PRH1: variants seen among roughly 807,000 people sequenced by gnomAD.
PRH1 encodes the protein proline rich protein HaeIII subfamily 1.
In PRH1, 7 loss-of-function variants were observed where a neutral mutation model predicts 7.9. The ratio of observed to expected loss-of-function variants is 0.89; its 90% CI spans 0.50 to 1.67. The LOEUF (loss-of-function observed/expected upper bound fraction) is 1.67, where lower values mean the gene tolerates loss of function less well. Among genes scored for constraint, PRH1 ranks in the 40% most tolerant of loss-of-function variants. The pLI is 0.00. For synonymous variants in PRH1, 45 were observed against 80.8 expected (o/e 0.56, Z 2.38); for missense variants, 109 against 223.6 (o/e 0.49, Z 3.27).
chr12:11,111,699 G>A (rs1339036891), intron 1 of PRH1, among the ~76,000 whole-genome samples: 7 of 152,088 alleles, frequency 4.6e-5, no homozygotes, highest in Non-Finnish European at 1.0e-4. Context: ...AGGAGAAAGT[G>A]GGAAAGATCT....
At chr12:10,916,182 T>C (rs1565469210) in intron 2 of PRH1, among the ~76,000 whole-genome samples, 1 of 152,082 alleles carries the variant, frequency 6.6e-6, no homozygotes, top group African/African-American at 2.4e-5. Flanking sequence ...TCAGATCTCA[T>C]GAGAATTACT....
At chr12:10,915,855 G>A (rs981740772) in intron 2 of PRH1, among the ~76,000 whole-genome samples, 3 of 152,068 alleles carry the variant, frequency 2.0e-5, no homozygotes, top group Non-Finnish European at 4.4e-5. Context: ...GTAGAGCTCC[G>A]GAACCACCTC....
intron 2 of PRH1, chr12:10,938,067 G>A (rs1490803891): frequency 6.5e-5 from 31 of 479,664 alleles, no homozygotes; most frequent in Non-Finnish European, 9.9e-5. Context: ...TATAGTATTC[G>A]CATTCTTCTC....
At chr12:11,029,726 T>C (rs1391804777) in intron 1 of PRH1, among the ~76,000 whole-genome samples, 1 of 137,090 alleles carries the variant, frequency 7.3e-6, no homozygotes, top group East Asian at 2.1e-4. Flanking sequence ...TATTCACATA[T>C]GAAATCTAAT....
chr12:10,908,588 G>GA (rs1318108796), intron 2 of PRH1: 1 of 1,613,982 alleles, frequency 6.2e-7, no homozygotes, highest in South Asian at 1.1e-5. Flanking sequence ...AGAATAAAAG[G>GA]AATGAGATCA....
At chr12:10,891,506 A>G (rs989998978) in intron 2 of PRH1, 4 of 152,198 alleles carry the variant, frequency 2.6e-5, no homozygotes, top group Admixed American at 1.3e-4. Flanking sequence ...TTTAGTCAAC[A>G]TGTTAGCTAC....
At chr12:10,917,719 T>C (rs1329820387) in intron 2 of PRH1, among the ~76,000 whole-genome samples, 1 of 152,218 alleles carries the variant, frequency 6.6e-6, no homozygotes, top group African/African-American at 2.4e-5. Context: ...TGTTGAAGAA[T>C]GGCATTGGCA....
At chr12:10,912,166 A>G (rs969267848) in intron 2 of PRH1, among the ~76,000 whole-genome samples, 2 of 152,324 alleles carry the variant, frequency 1.3e-5, no homozygotes, top group Admixed American at 6.5e-5. Flanking sequence ...TTCAAAATTT[A>G]TCTAGTCTAG....
At chr12:11,007,195 C>A (rs1940871782) in intron 1 of PRH1, among the ~76,000 whole-genome samples, 2 of 152,006 alleles carry the variant, frequency 1.3e-5, no homozygotes, top group Admixed American at 1.3e-4. Context: ...TCAAAATCAT[C>A]CAAGGTTTTC....
At chr12:11,145,940 T>C (rs1036092210) in intron 1 of PRH1, among the ~76,000 whole-genome samples, 2 of 152,180 alleles carry the variant, frequency 1.3e-5, no homozygotes, top group African/African-American at 2.4e-5. Context: ...ATAACTGTTT[T>C]TGCATATCTG....
intron 1 of PRH1, among the ~76,000 whole-genome samples, chr12:11,010,815 A>G (rs866354093): frequency 3.8e-5 from 5 of 132,580 alleles, no homozygotes. Context: ...TTTTAATTAC[A>G]TGACTGATTT....
chr12:11,080,027 GAC>G (rs1227732394), intron 1 of PRH1, among the ~76,000 whole-genome samples: 1 of 132,934 alleles, frequency 7.5e-6, no homozygotes, highest in Non-Finnish European at 1.7e-5. Flanking sequence ...TGTAGGGCAA[GAC>G]ATGGAACATT....
rs74852952 is a variant in PRH1 at position 10,894,406 on chromosome 12, T to C, written c.-58-10131A>G. Among the ~76,000 whole-genome samples the C allele has an allele frequency of 1.3e-4, 20 of 152,324 alleles. No homozygotes were observed. In the East Asian group the frequency reaches 3.9e-3, roughly 29 times the overall value. On this transcript the variant is annotated intron_variant, in intron 2 of 3. Transcript: ENST00000539853. ...TATATTTGGAAATAACTCTTAGTGA[T>C]GTACATTTCAATTGACTTTGTTTCA...
intron 1 of PRH1, among the ~76,000 whole-genome samples, chr12:11,144,737 G>C (rs568175880): frequency 1.3e-5 from 2 of 152,334 alleles, no homozygotes; most frequent in South Asian, 4.1e-4. Context: ...GGAATCGGCT[G>C]TTTGGGGACC....
At chr12:10,930,726 A>G (rs1950195235) in intron 2 of PRH1, 1 of 1,613,700 alleles carries the variant, frequency 6.2e-7, no homozygotes, top group African/African-American at 1.3e-5. Flanking sequence ...GAGGACAGCA[A>G]TCTCAACCCT....
chr12:11,046,590 A>G (rs1334408468), intron 1 of PRH1, among the ~76,000 whole-genome samples: 1 of 152,060 alleles, frequency 6.6e-6, no homozygotes, highest in African/African-American at 2.4e-5. Context: ...ACTCCTTGCT[A>G]TTCCCTTCTT....
upstream of PRH1, chr12:11,048,233 T>C (rs1591887298): frequency 6.6e-6 from 1 of 152,208 alleles, no homozygotes; most frequent in East Asian, 2.0e-4. Context: ...TATTCAAATA[T>C]ATACACTAAG....
At chr12:11,081,652 A>C (rs1196355040) in intron 1 of PRH1, among the ~76,000 whole-genome samples, 21 of 101,100 alleles carry the variant, frequency 2.1e-4, no homozygotes, top group East Asian at 7.1e-4. Flanking sequence ...CAATGACCAG[A>C]ACTACCTCTC....
intron 1 of PRH1, chr12:10,985,918 C>T (rs1939592407): frequency 6.5e-7 from 1 of 1,537,682 alleles, no homozygotes; most frequent in East Asian, 2.3e-5. Context: ...CACACAATGT[C>T]CCACTTGTGA....
Sources: allele counts gnomAD v4.1 joint callset (sites outside exome capture counted in the v4.1 genomes callset), GRCh38; gene constraint gnomAD v4.1.1; transcripts MANE v1.5; gene names NCBI Gene and HGNC (gene_info 2026-07-23, HGNC 2026-07-21).